Variants in NLRP5 observed in about 807,000 individuals in gnomAD.
NLRP5 encodes the protein NACHT, LRR and PYD domains-containing protein 5.
NLRP5 carries 93 observed loss-of-function variants against 113.1 expected under a neutral mutation model. That is an observed-to-expected ratio of 0.82 (90% CI 0.70 to 0.98). The LOEUF (loss-of-function observed/expected upper bound fraction) is 0.98. Ranked by LOEUF, NLRP5 falls within the 50% of genes least tolerant of loss-of-function variation. The pLI, the probability that NLRP5 is intolerant of heterozygous loss-of-function variation, is 0.00. For missense variants in NLRP5, 1,808 were observed against 1,514.3 expected, an observed-to-expected ratio of 1.19 and a Z score of -3.22; for synonymous variants, 751 against 600.7, an observed-to-expected ratio of 1.25 and a Z score of -3.66.
Position 56,058,327 on chromosome 19 carries a change from G to A in NLRP5, c.3387G>A (p.Leu1129=). The A allele has an allele frequency of 1.2e-6, 2 of 1,613,938 alleles. No homozygotes were observed. The highest frequency in any genetic ancestry group is 1.1e-5 in the South Asian group (1 of 91,086). Reference sequence around the variant, plus strand: ...ACCGGCATCTGACCAGTCTAAACCTGGTGCAGAATAACTTCAGTCCCAAAG... The same window carrying A: ...ACCGGCATCTGACCAGTCTAAACCTAGTGCAGAATAACTTCAGTCCCAAAG... Residue 1129 remains leucine (L), a synonymous_variant, in exon 14 of 15, where the codon CTG becomes CTA. Coordinates refer to ENST00000390649, the MANE Select transcript of NLRP5 (RefSeq NM_153447.4).
At chr19:56,019,537 C>T (rs1416003293) in intron 5 of NLRP5, 139 bp downstream of exon 5, 4 of 902,908 alleles carry the variant, frequency 4.4e-6, no homozygotes, top group Non-Finnish European at 6.9e-6. Flanking sequence ...TCAACCCCTT[C>T]CCTTCAAGCT....
chr19:56,050,735 AC>A, intron 12 of NLRP5, 147 bp downstream of exon 12: 1 of 723,730 alleles, frequency 1.4e-6, no homozygotes, highest in Non-Finnish European at 2.2e-6. Context: ...ATCTAGGTAA[AC>A]TGAGGTGTTG....
the NLRP5 span, among the ~76,000 whole-genome samples, chr19:55,991,491 G>C: frequency 6.6e-6 from 1 of 152,056 alleles, no homozygotes; most frequent in Non-Finnish European, 1.5e-5. Flanking sequence ...ACCACATTGA[G>C]CCTTTTATCT....
chr19:56,038,806 A>G (rs1261018062), intron 10 of NLRP5, among the ~76,000 whole-genome samples: 2 of 152,138 alleles, frequency 1.3e-5, no homozygotes, highest in South Asian at 2.1e-4. Context: ...CCTAACACCT[A>G]AAGGGATATC....
At chr19:55,992,131 G>T in the NLRP5 span, among the ~76,000 whole-genome samples, 103 of 152,200 alleles carry the variant, frequency 6.8e-4, 1 homozygote, top group East Asian at 0.017. Flanking sequence ...TTGGTTTTCT[G>T]TTCCTGTCTT....
chr19:56,041,754 C>G (rs748994619), intron 11 of NLRP5, among the ~76,000 whole-genome samples: 8 of 152,034 alleles, frequency 5.3e-5, no homozygotes, highest in Non-Finnish European at 1.2e-4. Context: ...TCAAGACCAG[C>G]CTGGCCAACA....
intron 6 of NLRP5, among the ~76,000 whole-genome samples, chr19:56,022,313 G>A (rs1982645710): frequency 6.6e-6 from 1 of 152,012 alleles, no homozygotes; most frequent in Admixed American, 6.6e-5. Flanking sequence ...CCTAACTCCT[G>A]GGCTGAAGCA....
At chr19:56,032,972 G>A (rs533898944) in intron 8 of NLRP5, among the ~76,000 whole-genome samples, 191 bp downstream of exon 8, 12 of 152,250 alleles carry the variant, frequency 7.9e-5, no homozygotes, top group South Asian at 2.1e-4. Flanking sequence ...TCGGCCGGGC[G>A]CAGTGGCTCA....
chr19:56,010,527 C>T (rs994634473), intron 3 of NLRP5, among the ~76,000 whole-genome samples: 6 of 151,082 alleles, frequency 4.0e-5, no homozygotes, highest in Non-Finnish European at 7.4e-5. Context: ...GGTGGATCAC[C>T]TGAGGTCGGG....
intron 13 of NLRP5, among the ~76,000 whole-genome samples, chr19:56,054,935 G>A (rs1188488601): frequency 6.6e-6 from 1 of 151,420 alleles, no homozygotes; most frequent in Admixed American, 6.6e-5. Flanking sequence ...CATGGCACTA[G>A]GGGAGGTCAC....
At chr19:55,987,850 C>T in the NLRP5 span, 2 of 1,614,068 alleles carry the variant, frequency 1.2e-6, no homozygotes, top group Non-Finnish European at 1.7e-6. Flanking sequence ...CTAGCTTCTC[C>T]CCAACTCCTC....
the NLRP5 span, among the ~76,000 whole-genome samples, chr19:55,992,546 A>C: frequency 6.6e-6 from 1 of 152,142 alleles, no homozygotes; most frequent in Admixed American, 6.6e-5. Flanking sequence ...TTGACTTTTT[A>C]ATAATGACAC....
chr19:55,997,760 G>A (rs1568477589), upstream of NLRP5, among the ~76,000 whole-genome samples: 2 of 152,098 alleles, frequency 1.3e-5, no homozygotes, highest in Admixed American at 6.6e-5. Flanking sequence ...CTACTTGGGA[G>A]GTTGAGGCAG....
intron 6 of NLRP5, among the ~76,000 whole-genome samples, chr19:56,021,122 A>G (rs1426554643): frequency 3.3e-5 from 5 of 152,124 alleles, no homozygotes; most frequent in South Asian, 2.1e-4. Flanking sequence ...TGCCCACCTT[A>G]GCCTCCCAAA....
chr19:56,050,394 C>T (rs960539289), intron 11 of NLRP5, 24 bp from the exon 12 acceptor site: 1 of 1,609,222 alleles, frequency 6.2e-7, no homozygotes, highest in East Asian at 2.2e-5. Flanking sequence ...TCACGATCTT[C>T]TTTCCCATGT....
chr19:56,041,266 G>T (rs1405659604), intron 11 of NLRP5, among the ~76,000 whole-genome samples, 174 bp downstream of exon 11: 1 of 152,090 alleles, frequency 6.6e-6, no homozygotes, highest in Non-Finnish European at 1.5e-5. Context: ...GGAAAATTCT[G>T]TGTCTGCCTT....
At chr19:56,004,969 C>G (rs1232800568) in intron 2 of NLRP5, among the ~76,000 whole-genome samples, 1 of 151,656 alleles carries the variant, frequency 6.6e-6, no homozygotes, top group Non-Finnish European at 1.5e-5. Flanking sequence ...TGGCACATGC[C>G]TGTAATCCCA....
Position 56,058,407 on chromosome 19 carries a change from T to C in NLRP5, c.3467T>C (p.Ile1156Thr). 6.2e-7 allele frequency: 1 copy of C among 1,611,420 alleles called. No homozygotes were observed. Among genetic ancestry groups the C allele is most frequent in the Non-Finnish European group, 8.5e-7 (1 of 1,178,540 alleles). The change falls in exon 14 of 15, where the codon ATT becomes ACT. Residue 1156 changes from isoleucine (I) to threonine (T), a missense_variant. Coordinates refer to ENST00000390649, the MANE Select transcript of NLRP5 (RefSeq NM_153447.4). ...TGTCCCACGTCTAACTTACAGATAA[T>C]TGGGTAAGTCGCCAGCAATTGTCTT...
chr19:55,998,453 AC>A (rs1192538255), upstream of NLRP5, among the ~76,000 whole-genome samples: 1 of 151,958 alleles, frequency 6.6e-6, no homozygotes, highest in Non-Finnish European at 1.5e-5. Flanking sequence ...GGAGTTCGAG[AC>A]CAGTCTGGCC....
Sources: allele counts gnomAD v4.1 joint callset (sites outside exome capture counted in the v4.1 genomes callset), GRCh38; gene constraint gnomAD v4.1.1; transcripts MANE v1.5; gene names NCBI Gene and HGNC (gene_info 2026-07-23, HGNC 2026-07-21).